ARAP2: variants seen among roughly 807,000 people sequenced by gnomAD.
ARAP2 encodes ArfGAP with RhoGAP domain, ankyrin repeat and PH domain 2, also known as arf-GAP with Rho-GAP domain, ANK repeat and PH domain-containing protein 2.
Under a neutral mutation model 194.5 loss-of-function variants are expected in ARAP2, and 148 were observed. That is an observed-to-expected ratio of 0.76 (90% CI 0.67 to 0.87). The LOEUF (loss-of-function observed/expected upper bound fraction) is 0.87. Among genes scored for constraint, ARAP2 ranks in the 40% least tolerant of loss-of-function variants. The probability of loss-of-function intolerance (pLI) is 0.00; values close to 1 mark genes in which losing one functional copy is unlikely to be tolerated. For missense variants in ARAP2, 2,128 were observed against 1,989.7 expected (o/e 1.07, Z -1.32); for synonymous variants, 695 against 683.5 (o/e 1.02, Z -0.26).
At chr4:36,034,448 T>C (rs1265134461) in intron 5 of ARAP2, among the ~76,000 whole-genome samples, 1 of 152,162 alleles carries the variant, frequency 6.6e-6, no homozygotes, top group Non-Finnish European at 1.5e-5. Flanking sequence ...TCAGCTTGGC[T>C]GTTGTTGGTG....
intron 2 of ARAP2, among the ~76,000 whole-genome samples, chr4:36,056,742 T>C (rs1212712932): frequency 6.6e-6 from 1 of 152,144 alleles, no homozygotes; most frequent in African/African-American, 2.4e-5. Flanking sequence ...AAATATATTT[T>C]AGTTTTCCAT....
At chr4:36,134,349 A>G (rs1726141797) in intron 19 of ARAP2, among the ~76,000 whole-genome samples, 1 of 151,666 alleles carries the variant, frequency 6.6e-6, no homozygotes. Flanking sequence ...AGGATTAACT[A>G]AGTGTAGATC....
chr4:36,175,770 A>C (rs1246229923), intron 9 of ARAP2, among the ~76,000 whole-genome samples: 2 of 152,146 alleles, frequency 1.3e-5, no homozygotes, highest in African/African-American at 2.4e-5. Context: ...TTTTAAGGAG[A>C]ATATACTCAT....
chr4:36,223,313 T>C (rs1014693579), intron 2 of ARAP2, among the ~76,000 whole-genome samples: 1 of 152,142 alleles, frequency 6.6e-6, no homozygotes, highest in Non-Finnish European at 1.5e-5. Context: ...TTCTGATTCA[T>C]ATTAACTTGC....
At chr4:36,150,862 A>G (rs1730802703) in intron 16 of ARAP2, 38 bp downstream of exon 16, 2 of 1,584,558 alleles carry the variant, frequency 1.3e-6, no homozygotes, top group Non-Finnish European at 1.7e-6. Flanking sequence ...TTATCTGAAA[A>G]TACCTTTTAC....
chr4:36,199,005 G>A (rs780850375), intron 6 of ARAP2, among the ~76,000 whole-genome samples: 1 of 152,194 alleles, frequency 6.6e-6, no homozygotes, highest in Non-Finnish European at 1.5e-5. Context: ...TGGGAGGCCT[G>A]GGTCCCACAG....
chr4:36,222,475 T>C (rs1458085489), intron 2 of ARAP2, among the ~76,000 whole-genome samples: 2 of 151,872 alleles, frequency 1.3e-5, no homozygotes, highest in Non-Finnish European at 2.9e-5. Flanking sequence ...ATAAAATATA[T>C]ATATTAATGT....
chr4:36,233,304 T>C (rs1751859723), intron 1 of ARAP2, among the ~76,000 whole-genome samples: 1 of 152,244 alleles, frequency 6.6e-6, no homozygotes, highest in African/African-American at 2.4e-5. Flanking sequence ...TTGCAGTCTA[T>C]GGCATGTATG....
chr4:36,076,540 T>C (rs1728285877), intron 31 of ARAP2, among the ~76,000 whole-genome samples: 1 of 152,018 alleles, frequency 6.6e-6, no homozygotes, highest in African/African-American at 2.4e-5. Flanking sequence ...GCTGTTTTTT[T>C]TTCTTCTGCC....
intron 6 of ARAP2, among the ~76,000 whole-genome samples, chr4:36,197,642 C>A (rs951648866): frequency 6.6e-6 from 1 of 152,204 alleles, no homozygotes; most frequent in South Asian, 2.1e-4. Context: ...CCCATCACTG[C>A]CAACGGCAAG....
At chr4:36,202,416 C>G (rs754142814) in intron 6 of ARAP2, among the ~76,000 whole-genome samples, 18 of 150,418 alleles carry the variant, frequency 1.2e-4, no homozygotes, top group Non-Finnish European at 1.3e-4. Flanking sequence ...GAGCTGGGGC[C>G]AAAAAACGAA....
intron 1 of ARAP2, among the ~76,000 whole-genome samples, chr4:36,233,540 C>A (rs931056775): frequency 1.3e-5 from 2 of 152,202 alleles, no homozygotes; most frequent in Admixed American, 6.5e-5. Flanking sequence ...TGGATAAAAT[C>A]CCCCATCTAA....
At chr4:36,205,269 C>T (rs1578268502) in intron 6 of ARAP2, among the ~76,000 whole-genome samples, 1 of 151,846 alleles carries the variant, frequency 6.6e-6, no homozygotes, top group Admixed American at 6.6e-5. Context: ...CATGGTGGTA[C>T]ATCAATAGCT....
intron 15 of ARAP2, among the ~76,000 whole-genome samples, chr4:36,156,458 AAAG>A (rs1732540007): frequency 3.2e-5 from 1 of 31,528 alleles, no homozygotes; most frequent in Admixed American, 3.0e-4. Flanking sequence ...AGAAAGAAAG[AAAG>A]AAAGAAATGA....
chr4:36,088,414 G>A (rs1457232505), intron 28 of ARAP2, among the ~76,000 whole-genome samples: 1 of 152,030 alleles, frequency 6.6e-6, no homozygotes, highest in East Asian at 1.9e-4. Context: ...CTTAAAATCT[G>A]ATGTGTTCCA....
chr4:36,213,640 G>C (rs891336761), intron 3 of ARAP2, among the ~76,000 whole-genome samples: 15 of 151,966 alleles, frequency 9.9e-5, no homozygotes, highest in African/African-American at 3.6e-4. Flanking sequence ...AAAATAAATT[G>C]TCATGGTGCC....
chr4:36,017,880 A>G (rs1391043165), intron 6 of ARAP2, among the ~76,000 whole-genome samples: 1 of 152,146 alleles, frequency 6.6e-6, no homozygotes, highest in Middle Eastern at 3.2e-3. Flanking sequence ...GAGGCAAGAG[A>G]TGACAGTGAC....
At chr4:36,076,872 G>A (rs1032203492) in intron 31 of ARAP2, among the ~76,000 whole-genome samples, 7 of 151,954 alleles carry the variant, frequency 4.6e-5, no homozygotes, top group African/African-American at 1.7e-4. Context: ...CTACATCTCT[G>A]ATGATCCCAC....
intron 6 of ARAP2, among the ~76,000 whole-genome samples, chr4:36,207,393 T>C (rs1031187985): frequency 6.6e-6 from 1 of 152,264 alleles, no homozygotes; most frequent in Admixed American, 6.5e-5. Context: ...TCACACAGTT[T>C]TTAAACCACT....
Sources: allele counts gnomAD v4.1 joint callset (sites outside exome capture counted in the v4.1 genomes callset), GRCh38; gene constraint gnomAD v4.1.1; transcripts MANE v1.5; gene names NCBI Gene and HGNC (gene_info 2026-07-23, HGNC 2026-07-21).